The following PLCB1 variants were observed in gnomAD, a reference collection of about 807,000 sequenced individuals.
PLCB1 encodes the protein phospholipase C beta 1.
PLCB1 carries 46 observed loss-of-function variants against 161.8 expected under a neutral mutation model. That is an observed-to-expected ratio of 0.28 (90% CI 0.22 to 0.36). The LOEUF (loss-of-function observed/expected upper bound fraction) is 0.36. Ranked by LOEUF, PLCB1 falls within the 10% of genes least tolerant of loss-of-function variation. PLCB1 has a pLI of 1.00. For synonymous variants in PLCB1, 517 were observed against 503.7 expected (o/e 1.03, Z -0.35); for missense variants, 1,016 against 1,472.5 (o/e 0.69, Z 5.07).
At chr20:8,480,971 G>A (rs1035036746) in intron 3 of PLCB1, among the ~76,000 whole-genome samples, 2 of 152,132 alleles carry the variant, frequency 1.3e-5, no homozygotes, top group African/African-American at 2.4e-5. Context: ...GGGCGTGGTG[G>A]TGCGTACCTG....
At chr20:8,554,460 G>A (rs1234016647) in intron 3 of PLCB1, among the ~76,000 whole-genome samples, 1 of 152,148 alleles carries the variant, frequency 6.6e-6, no homozygotes, top group African/African-American at 2.4e-5. Flanking sequence ...TCAGTCTAGT[G>A]ATGAATCTCA....
intron 11 of PLCB1, among the ~76,000 whole-genome samples, chr20:8,704,898 CAGTCCA>C (rs1351875763): frequency 1.3e-5 from 2 of 151,850 alleles, no homozygotes; most frequent in African/African-American, 2.4e-5. Context: ...GTGTAAGCTG[CAGTCCA>C]AGTCCAAGTC....
intron 31 of PLCB1, among the ~76,000 whole-genome samples, chr20:8,876,726 A>G (rs370054848): frequency 5.9e-5 from 9 of 152,320 alleles, no homozygotes; most frequent in East Asian, 1.9e-4. Flanking sequence ...GAGCTGGTTT[A>G]GAATAGCTTC....
In PLCB1 at chr20:8,881,942, C is replaced by A; in HGVS notation, c.*93C>A. The A allele has an allele frequency of 1.2e-6, 1 of 817,170 alleles. No individual in the cohort carries two copies. The highest frequency in any genetic ancestry group is 2.5e-5 in the East Asian group (1 of 39,508). 50.6% of individuals were successfully genotyped at this position (817,170 alleles called of 1,614,324 possible). On this transcript the variant is annotated 3_prime_UTR_variant, in exon 32 of 32. Transcript: ENST00000338037. ...AGATCACTGCCCAGGACCATCTTCC[C>A]GAGAAGCATCCCTTAGCCTAAAATC...
At chr20:8,477,838 A>G (rs1248393938) in intron 3 of PLCB1, among the ~76,000 whole-genome samples, 3 of 152,178 alleles carry the variant, frequency 2.0e-5, no homozygotes, top group Non-Finnish European at 2.9e-5. Flanking sequence ...AGCAGCTCCC[A>G]CTAGGCCCCA....
At chr20:8,781,373 A>G (rs1983214357) in intron 27 of PLCB1, among the ~76,000 whole-genome samples, 1 of 150,334 alleles carries the variant, frequency 6.7e-6, no homozygotes, top group Admixed American at 6.7e-5. Context: ...CCTGATTATT[A>G]CCCCAGTGGG....
chr20:8,732,463 G>A (rs982098288), intron 18 of PLCB1, among the ~76,000 whole-genome samples: 3 of 150,882 alleles, frequency 2.0e-5, no homozygotes, highest in African/African-American at 7.3e-5. Context: ...CATTATAAGG[G>A]TGAAAAATTA....
At position 8,882,234 on chromosome 20, in the gene PLCB1, G is replaced by C. The variant is rs1238181285; in HGVS notation, c.*385G>C. 4 of 202,530 alleles carry C rather than the reference G, an allele frequency of 2.0e-5. No homozygotes were observed. Among genetic ancestry groups the C allele is most frequent in the Non-Finnish European group, 4.1e-5 (4 of 98,344 alleles). 12.5% of individuals were successfully genotyped at this position (202,530 alleles called of 1,614,324 possible). ...TATTTCAAAGTCATAGAAATAGTTT[G>C]AGAAATGCATAGCATTATTTAACAC... On this transcript the variant is annotated 3_prime_UTR_variant, in exon 32 of 32. Coordinates refer to ENST00000338037, the MANE Select transcript of PLCB1 (RefSeq NM_015192.4).
chr20:8,805,515 G>C (rs1317890123), intron 31 of PLCB1, among the ~76,000 whole-genome samples: 1 of 152,102 alleles, frequency 6.6e-6, no homozygotes, highest in Non-Finnish European at 1.5e-5. Flanking sequence ...AATAATAAAG[G>C]TCAGTTTAAG....
chr20:8,163,788 G>C (rs2051649151), intron 2 of PLCB1, among the ~76,000 whole-genome samples: 2 of 152,138 alleles, frequency 1.3e-5, no homozygotes, highest in African/African-American at 4.8e-5. Flanking sequence ...CACCAGGCTA[G>C]CCTACCTAAT....
At chr20:8,730,777 C>T (rs997562939) in intron 18 of PLCB1, among the ~76,000 whole-genome samples, 5 of 151,664 alleles carry the variant, frequency 3.3e-5, no homozygotes, top group African/African-American at 1.2e-4. Context: ...TCAGCAAAAT[C>T]ACTTGTCTTC....
At chr20:8,587,229 T>A (rs1987019363) in intron 3 of PLCB1, among the ~76,000 whole-genome samples, 1 of 151,752 alleles carries the variant, frequency 6.6e-6, no homozygotes, top group Non-Finnish European at 1.5e-5. Flanking sequence ...AGAATCTACT[T>A]AGCTTTGAGC....
chr20:8,146,764 A>G (rs942475102), intron 1 of PLCB1, among the ~76,000 whole-genome samples: 1 of 152,026 alleles, frequency 6.6e-6, no homozygotes, highest in African/African-American at 2.4e-5. Context: ...CTCTTTAGAG[A>G]TTCATGTAAA....
intron 31 of PLCB1, among the ~76,000 whole-genome samples, chr20:8,822,779 G>C (rs554215443): frequency 6.6e-6 from 1 of 152,266 alleles, no homozygotes; most frequent in Non-Finnish European, 1.5e-5. Flanking sequence ...CTAATGAAAT[G>C]ATATTTCTAC....
intron 31 of PLCB1, among the ~76,000 whole-genome samples, chr20:8,867,690 TCAG>T (rs1987476622): frequency 6.6e-6 from 1 of 152,202 alleles, no homozygotes; most frequent in Non-Finnish European, 1.5e-5. Context: ...ACTTGCAGAC[TCAG>T]TTGGGCCTTT....
At chr20:8,764,930 A>G (rs1188754848) in intron 25 of PLCB1, among the ~76,000 whole-genome samples, 2 of 152,214 alleles carry the variant, frequency 1.3e-5, no homozygotes, top group African/African-American at 2.4e-5. Flanking sequence ...GAATGAAGCA[A>G]TTGGGTCTCT....
intron 31 of PLCB1, among the ~76,000 whole-genome samples, chr20:8,817,181 A>G (rs1443475723): frequency 6.6e-6 from 1 of 152,240 alleles, no homozygotes; most frequent in Non-Finnish European, 1.5e-5. Context: ...GCTTCCAATG[A>G]AAACTCTGTA....
At chr20:8,217,594 A>G (rs901491400) in intron 2 of PLCB1, among the ~76,000 whole-genome samples, 1 of 152,164 alleles carries the variant, frequency 6.6e-6, no homozygotes, top group Non-Finnish European at 1.5e-5. Flanking sequence ...TATGAAATGC[A>G]GTGTGATTTT....
chr20:8,869,002 C>T (rs1987522285), intron 31 of PLCB1, among the ~76,000 whole-genome samples: 1 of 152,150 alleles, frequency 6.6e-6, no homozygotes. Context: ...GCTTTAGTCT[C>T]CTCACTTCAT....
Sources: gnomAD v4.1 joint callset for allele counts (sites outside exome capture counted in the v4.1 genomes callset) on GRCh38, gnomAD v4.1.1 for gene constraint, MANE v1.5 for transcripts, NCBI Gene and HGNC (gene_info 2026-07-23, HGNC 2026-07-21) for gene names.